Variants in TMEM132B observed in about 807,000 individuals in gnomAD.
The protein encoded by TMEM132B is transmembrane protein 132B.
Under a neutral mutation model 90.8 loss-of-function variants are expected in TMEM132B, and 18 were observed. That is an observed-to-expected ratio of 0.20 (90% confidence interval 0.14 to 0.29). The LOEUF is 0.29. Ranked by LOEUF, TMEM132B falls within the 10% of genes least tolerant of loss-of-function variation. The probability of loss-of-function intolerance (pLI) is 1.00; values close to 1 mark genes in which losing one functional copy is unlikely to be tolerated. For synonymous variants in TMEM132B, 504 were observed against 523.3 expected (o/e 0.96, Z 0.50); for missense variants, 1,096 against 1,326.8 (o/e 0.83, Z 2.70).
intron 1 of TMEM132B, among the ~76,000 whole-genome samples, chr12:125,308,160 GTATA>G (rs899416418): frequency 1.1e-4 from 12 of 112,364 alleles, no homozygotes; most frequent in African/African-American, 3.5e-4. Flanking sequence ...TATAGTATAA[GTATA>G]TATATAGTTA....
At chr12:125,491,087 A>G (rs946552943) in intron 3 of TMEM132B, among the ~76,000 whole-genome samples, 3 of 152,028 alleles carry the variant, frequency 2.0e-5, no homozygotes, top group East Asian at 1.9e-4. Context: ...CTTGACTGCA[A>G]CTTCATGAAA....
chr12:125,400,993 C>T (rs1879304679), intron 2 of TMEM132B, among the ~76,000 whole-genome samples: 1 of 152,168 alleles, frequency 6.6e-6, no homozygotes, highest in South Asian at 2.1e-4. Flanking sequence ...GCAGCACAGT[C>T]TCTAGAGGTT....
In TMEM132B at chr12:125,555,660, A is replaced by C. The variant is rs552674686; in HGVS notation, c.1294-28191A>C. 5.3e-5 allele frequency among the ~76,000 whole-genome samples: 8 copies of C among 151,810 alleles called. No homozygotes were observed. The East Asian group carries it at 1.2e-3, about 22-fold the overall frequency. On this transcript the variant is annotated intron_variant, in intron 4 of 8. Transcript: ENST00000682704. Reference sequence around the variant, plus strand: ...GCACACCAACATGGCACATGTATACATATGTAACAAACCTGCACGTTGTGC... The same window carrying C: ...GCACACCAACATGGCACATGTATACCTATGTAACAAACCTGCACGTTGTGC...
In TMEM132B at chr12:125,650,916, C is replaced by A. The variant is rs776596875; in HGVS notation, c.1877C>A (p.Thr626Asn). ...ATCGCTCAGTTACAGGACGGCAGGA[C>A]CCTGGCTGGTCGGGAGCCGGGAATA... ...PKIAQLQDGR[T>N]LAGREPGITT... is the part of the protein sequence containing the mutation. The change falls in exon 7 of 9, where the codon ACC becomes AAC. Residue 626 changes from threonine (T) to asparagine (N), a missense_variant. Thr to Asn is a moderately conservative substitution (Grantham distance 65, BLOSUM62 0). Transcript: ENST00000682704. 2.6e-5 allele frequency: 42 copies of A among 1,613,086 alleles called. No individual in the cohort carries two copies. The highest frequency in any genetic ancestry group is 3.6e-5 in the Non-Finnish European group (42 of 1,180,004).
At chr12:125,519,165 G>C (rs564218320) in intron 3 of TMEM132B, among the ~76,000 whole-genome samples, 5 of 152,192 alleles carry the variant, frequency 3.3e-5, no homozygotes, top group Non-Finnish European at 7.3e-5. Context: ...CGTGGCATGC[G>C]AAGAGGTGAA....
chr12:125,219,887 C>T (rs112562077), intron 1 of TMEM132B, among the ~76,000 whole-genome samples: 8 of 152,238 alleles, frequency 5.3e-5, no homozygotes, highest in East Asian at 3.8e-4. Context: ...CTTCCCCTGA[C>T]GGCCCCCTTT....
intron 5 of TMEM132B, among the ~76,000 whole-genome samples, chr12:125,640,774 C>T (rs529189718): frequency 2.0e-5 from 3 of 152,272 alleles, no homozygotes; most frequent in East Asian, 3.9e-4. Context: ...CACCTCGTGG[C>T]ATTACCGTGG....
chr12:125,438,128 C>T (rs1880755554), intron 3 of TMEM132B, among the ~76,000 whole-genome samples: 2 of 152,196 alleles, frequency 1.3e-5, no homozygotes, highest in South Asian at 2.1e-4. Flanking sequence ...CTACAAGAAT[C>T]AACTGCATTC....
At chr12:125,230,963 A>G (rs1023400742) in intron 1 of TMEM132B, among the ~76,000 whole-genome samples, 1 of 152,014 alleles carries the variant, frequency 6.6e-6, no homozygotes, top group African/African-American at 2.4e-5. Context: ...CTAATTTCCT[A>G]TGGCTGCCAT....
chr12:125,409,642 A>G lies in TMEM132B; in HGVS notation c.960-5889A>G, dbSNP rs141945760. Among the ~76,000 whole-genome samples the G allele has an allele frequency of 5.8e-4, 15 of 25,964 alleles. 1 individual carries two copies. Among genetic ancestry groups the G allele is most frequent in the South Asian group, 2.6e-3 (2 of 758 alleles). 17.0% of individuals were successfully genotyped at this position (25,964 alleles called of 152,430 possible). A position where few individuals can be genotyped will look rare whatever the true frequency, so the allele number is the denominator to read the frequency against. ...GTGGAGGAGTGGAGTGGAGTGGAGG[A>G]GTGGAGTGGAGTGGAGTGGAGTGAG... On this transcript the variant is annotated intron_variant, in intron 2 of 8. Transcript: ENST00000682704.
intron 1 of TMEM132B, among the ~76,000 whole-genome samples, chr12:125,302,587 C>T (rs771047485): frequency 1.3e-5 from 2 of 152,174 alleles, no homozygotes; most frequent in African/African-American, 2.4e-5. Flanking sequence ...CTGCCCGAAT[C>T]TAAAGTCTGG....
intron 3 of TMEM132B, among the ~76,000 whole-genome samples, chr12:125,517,345 TTTTTTTTTTTTTTTTTTTTTG>T (rs1883189513): frequency 1.9e-4 from 13 of 69,044 alleles, no homozygotes; most frequent in African/African-American, 7.0e-4. Context: ...TTTTTTTTTT[TTTTTTTTTTTTTTTTTTTTTG>T]CATTTTTAGT....
chr12:125,515,380 C>G (rs1226255426), intron 3 of TMEM132B, among the ~76,000 whole-genome samples: 1 of 110,410 alleles, frequency 9.1e-6, no homozygotes, highest in Non-Finnish European at 1.7e-5. Context: ...ACTCACACCT[C>G]TTTCACACAT....
chr12:125,640,567 G>A (rs1886603626), intron 5 of TMEM132B, among the ~76,000 whole-genome samples: 1 of 152,158 alleles, frequency 6.6e-6, no homozygotes, highest in African/African-American at 2.4e-5. Flanking sequence ...GGGCCTGGTA[G>A]GCCCCTGTAA....
At position 125,409,408 on chromosome 12, in the gene TMEM132B, G is replaced by A. The variant is rs530532647; in HGVS notation, c.960-6123G>A. Among the ~76,000 whole-genome samples, 20 of 152,328 alleles carry A rather than the reference G, an allele frequency of 1.3e-4. No individual in the cohort carries two copies. In the South Asian group the frequency reaches 2.7e-3, roughly 21 times the overall value. On this transcript the variant is annotated intron_variant, in intron 2 of 8. Coordinates refer to ENST00000682704, the MANE Select transcript of TMEM132B (RefSeq NM_001366854.1). ...ACTGGAACCCGAGGAGCCCTGTCCCGTGAGGAGGCATCCGGCGGCAGTGCT... is the reference window on the plus strand; with the variant it reads ...ACTGGAACCCGAGGAGCCCTGTCCCATGAGGAGGCATCCGGCGGCAGTGCT...
At chr12:125,443,400 C>G (rs1018651206) in intron 3 of TMEM132B, among the ~76,000 whole-genome samples, 4 of 152,158 alleles carry the variant, frequency 2.6e-5, no homozygotes, top group Non-Finnish European at 5.9e-5. Context: ...TGGCCCCTTT[C>G]TCTGTGAACT....
chr12:125,339,894 G>A (rs1165660692), intron 1 of TMEM132B, among the ~76,000 whole-genome samples: 1 of 152,212 alleles, frequency 6.6e-6, no homozygotes, highest in Non-Finnish European at 1.5e-5. Flanking sequence ...TTGAACGTAT[G>A]AATTTGGGAG....
intron 1 of TMEM132B, among the ~76,000 whole-genome samples, chr12:125,280,950 T>A: frequency 6.6e-6 from 1 of 152,224 alleles, no homozygotes; most frequent in East Asian, 1.9e-4. Flanking sequence ...AGTTAAGTCC[T>A]TTCAGAGCAA....
intron 4 of TMEM132B, among the ~76,000 whole-genome samples, chr12:125,523,275 G>A (rs1235955563): frequency 6.6e-6 from 1 of 152,174 alleles, no homozygotes; most frequent in East Asian, 1.9e-4. Flanking sequence ...AAAGTTGTCA[G>A]GAGGGCTGGT....
Sources: gnomAD v4.1 joint callset for allele counts (sites outside exome capture counted in the v4.1 genomes callset) on GRCh38, gnomAD v4.1.1 for gene constraint, MANE v1.5 for transcripts, NCBI Gene and HGNC (gene_info 2026-07-23, HGNC 2026-07-21) for gene names.